DENND4A: variants seen among roughly 807,000 people sequenced by gnomAD.
DENND4A encodes the protein DENN domain containing 4A, also known as C-myc promoter-binding protein.
Under a neutral mutation model 199.3 loss-of-function variants are expected in DENND4A, and 70 were observed. The observed-to-expected ratio is 0.35, with a 90% CI of 0.29 to 0.43. The LOEUF is 0.43. Ranked by LOEUF, DENND4A falls within the 20% of genes least tolerant of loss-of-function variation. The probability of loss-of-function intolerance (pLI) is 1.00; values close to 1 mark genes in which losing one functional copy is unlikely to be tolerated. For synonymous variants in DENND4A, 686 were observed against 766.9 expected, an observed-to-expected ratio of 0.89 and a Z score of 1.74; for missense variants, 1,723 against 2,255.8, an observed-to-expected ratio of 0.76 and a Z score of 4.78.
intron 23 of DENND4A, among the ~76,000 whole-genome samples, chr15:65,689,277 C>T (rs2076893729): frequency 6.6e-6 from 1 of 151,992 alleles, no homozygotes; most frequent in Non-Finnish European, 1.5e-5. Context: ...TTTCAAAGTC[C>T]CTTGTTAATT....
Position 65,696,390 on chromosome 15 carries a change from C to T in DENND4A, c.3058G>A (p.Gly1020Ser). The T allele has an allele frequency of 6.2e-7, 1 of 1,611,744 alleles. No individual in the cohort carries two copies. The change falls in exon 22 of 33, where the codon GGT (glycine) becomes AGT (serine). Residue 1020 changes from glycine (G) to serine (S), a missense_variant. Physicochemically the swap from Gly to Ser is moderately conservative, Grantham distance 56. Coordinates refer to ENST00000443035, the MANE Select transcript of DENND4A (RefSeq NM_001320835.1). ...RLTGTSNNSA[G>S]KISGESMEST... ...CCCATGCTTTCTCCTGATATTTTAC[C>T]AGCACTGTTGTTACTTGTACCAGTG... is the stretch of plus-strand genomic sequence containing the variant.
intron 1 of DENND4A, among the ~76,000 whole-genome samples, chr15:65,783,967 T>C (rs1567109884): frequency 1.3e-5 from 2 of 151,862 alleles, no homozygotes; most frequent in African/African-American, 4.8e-5. Context: ...GGGAAAACAA[T>C]ACAGTAAAGA....
chr15:65,773,002 CA>C lies in DENND4A; in HGVS notation c.-101-11565del, dbSNP rs61241995. 7.5e-3 allele frequency among the ~76,000 whole-genome samples: 768 copies of C among 101,938 alleles called. 3 individuals are homozygous for C. Among genetic ancestry groups the C allele is most frequent in the African/African-American group, 0.019 (522 of 27,272 alleles). 66.9% of individuals were successfully genotyped at this position (101,938 alleles called of 152,430 possible). On this transcript the variant is annotated intron_variant, in intron 1 of 32. Transcript: ENST00000443035. Reference sequence around the variant, plus strand: ...GAAATCAATTTCTATTGTTTCTAAGCAAAAAAAAAAAAAAAAAAAAAAAAAA... The same window carrying C: ...GAAATCAATTTCTATTGTTTCTAAGCAAAAAAAAAAAAAAAAAAAAAAAAA...
At chr15:65,787,553 T>C (rs376185104) in intron 1 of DENND4A, among the ~76,000 whole-genome samples, 15 of 152,226 alleles carry the variant, frequency 9.9e-5, no homozygotes, top group African/African-American at 3.1e-4. Context: ...ATAACGGCCA[T>C]AGATGAATAT....
intron 23 of DENND4A, among the ~76,000 whole-genome samples, chr15:65,686,572 A>G (rs1399727642): frequency 1.3e-5 from 2 of 152,174 alleles, no homozygotes; most frequent in Non-Finnish European, 2.9e-5. Flanking sequence ...CTTATAATCA[A>G]TATTTTTCAG....
intron 22 of DENND4A, among the ~76,000 whole-genome samples, chr15:65,695,848 T>A (rs1160806619): frequency 6.6e-6 from 1 of 152,076 alleles, no homozygotes; most frequent in Admixed American, 6.6e-5. Context: ...TATGCTTTAG[T>A]TTTCTCATCT....
intron 27 of DENND4A, 34 bp from the exon 28 acceptor site, chr15:65,668,157 T>C: frequency 6.8e-7 from 1 of 1,463,830 alleles, no homozygotes; most frequent in Non-Finnish European, 9.2e-7. Context: ...AGTGTATCAG[T>C]GTCTAGATTT....
chr15:65,680,802 C>T (rs553979174), intron 23 of DENND4A: 1 of 152,300 alleles, frequency 6.6e-6, no homozygotes, highest in African/African-American at 2.4e-5. Context: ...GTTCACATTA[C>T]ACTGAAGTCT....
chr15:65,671,725 C>T, intron 25 of DENND4A, 67 bp downstream of exon 25: 1 of 1,123,514 alleles, frequency 8.9e-7, no homozygotes, highest in Non-Finnish European at 1.4e-6. Flanking sequence ...CCTGGGACCA[C>T]TAATACTTAA....
At chr15:65,728,939 G>A (rs927280246) in intron 11 of DENND4A, 133 bp downstream of exon 11, 17 of 881,908 alleles carry the variant, frequency 1.9e-5, no homozygotes, top group Non-Finnish European at 2.4e-5. Context: ...ATTCAAAGAC[G>A]GTGATTACCC....
chr15:65,706,350 G>A (rs1294483567), intron 14 of DENND4A, 126 bp from the exon 15 acceptor site: 2 of 973,310 alleles, frequency 2.1e-6, no homozygotes, highest in East Asian at 3.1e-5. Flanking sequence ...AAAGAAGAGT[G>A]AGCAAGTTCT....
At chr15:65,671,946 G>C (rs2076232482) in intron 24 of DENND4A, 60 bp from the exon 25 acceptor site, 2 of 1,021,270 alleles carry the variant, frequency 2.0e-6, no homozygotes, top group African/African-American at 1.6e-5. Flanking sequence ...AAGGATATAA[G>C]AATCTTTTAC....
intron 7 of DENND4A, among the ~76,000 whole-genome samples, chr15:65,735,485 G>A (rs1194808978): frequency 1.3e-5 from 2 of 152,216 alleles, no homozygotes; most frequent in Admixed American, 6.5e-5. Flanking sequence ...AGCATTGTGG[G>A]TAAAACTGCT....
At chr15:65,742,530 A>AT (rs2076287200) in intron 4 of DENND4A, among the ~76,000 whole-genome samples, 1 of 150,916 alleles carries the variant, frequency 6.6e-6, no homozygotes, top group Non-Finnish European at 1.5e-5. Flanking sequence ...GGTTCAAGTG[A>AT]TTCTCCTGCC....
intron 7 of DENND4A, among the ~76,000 whole-genome samples, chr15:65,733,480 A>G (rs2076021853): frequency 6.6e-6 from 1 of 152,090 alleles, no homozygotes; most frequent in Admixed American, 6.5e-5. Context: ...TTTAAAAAAC[A>G]TTATTTCAAA....
intron 7 of DENND4A, among the ~76,000 whole-genome samples, chr15:65,733,158 T>G (rs1425231331): frequency 1.3e-5 from 2 of 152,226 alleles, no homozygotes; most frequent in East Asian, 3.8e-4. Context: ...AATATGCTTT[T>G]TAGTCAATTG....
chr15:65,696,379 T>C lies in DENND4A; in HGVS notation c.3069A>G (p.Ser1023=), dbSNP rs762076398. The C allele has an allele frequency of 1.5e-5, 24 of 1,612,020 alleles. No homozygotes were observed. Among genetic ancestry groups the C allele is most frequent in the Middle Eastern group, 1.7e-4 (1 of 6,042 alleles). The change falls in exon 22 of 33, where the codon TCA becomes TCG. Residue 1023 remains serine (S), a synonymous_variant. Coordinates refer to ENST00000443035, the MANE Select transcript of DENND4A (RefSeq NM_001320835.1). ...TATTCAACTTACCCATGCTTTCTCC[T>C]GATATTTTACCAGCACTGTTGTTAC... ...GTSNNSAGKI[S]GESMESTPEL...
In DENND4A at chr15:65,715,469, G is replaced by A. The variant is rs747561273; in HGVS notation, c.1953+9C>T. 3 of 1,605,090 alleles carry A rather than the reference G, an allele frequency of 1.9e-6. No homozygotes were observed. The highest frequency in any genetic ancestry group is 1.3e-5 in the African/African-American group (1 of 74,494). ...TAAGTTAGGGCATTGTAGATGTACTGTTACTTACTTTATCTACACAATCAT... is the reference window on the plus strand; with the variant it reads ...TAAGTTAGGGCATTGTAGATGTACTATTACTTACTTTATCTACACAATCAT... On this transcript the variant is annotated intron_variant, in intron 14 of 32. Coordinates refer to ENST00000443035, the MANE Select transcript of DENND4A (RefSeq NM_001320835.1).
rs752579590 is a variant in DENND4A at position 65,731,708 on chromosome 15, A to AG, written c.1108-9_1108-8insC. ...ATTATCATGTGGTGATAACTGGAAG[A>AG]AGATTTAAAATAAAGAATTTGAAAC... On this transcript the variant is annotated splice_polypyrimidine_tract_variant and intron_variant, in intron 8 of 32. Transcript: ENST00000443035. 6.5e-7 allele frequency: 1 copy of AG among 1,541,184 alleles called. No individual in the cohort carries two copies. The highest frequency in any genetic ancestry group is 1.2e-5 in the South Asian group (1 of 81,506).
Sources: gnomAD v4.1 joint callset for allele counts (sites outside exome capture counted in the v4.1 genomes callset) on GRCh38, gnomAD v4.1.1 for gene constraint, MANE v1.5 for transcripts, NCBI Gene and HGNC (gene_info 2026-07-23, HGNC 2026-07-21) for gene names.